Variants in COLEC12 observed in about 807,000 individuals in gnomAD.
COLEC12 encodes collectin-12.
COLEC12 carries 33 observed loss-of-function variants against 71.1 expected under a neutral mutation model. That is an observed-to-expected ratio of 0.46 (90% CI 0.35 to 0.62). The LOEUF is 0.62. Ranked by LOEUF, COLEC12 falls within the 20% of genes least tolerant of loss-of-function variation. COLEC12 has a pLI of 0.00. For synonymous variants in COLEC12, 350 were observed against 353.0 expected, an observed-to-expected ratio of 0.99 and a Z score of 0.10; for missense variants, 765 against 916.1, an observed-to-expected ratio of 0.84 and a Z score of 2.13.
chr18:440,307 A>C (rs1598363949), intron 2 of COLEC12, among the ~76,000 whole-genome samples: 1 of 151,742 alleles, frequency 6.6e-6, no homozygotes, highest in East Asian at 1.9e-4. Context: ...GTAGTTAATA[A>C]TACTATAGTA....
At chr18:326,851 G>A (rs1913856547) in intron 8 of COLEC12, among the ~76,000 whole-genome samples, 1 of 152,202 alleles carries the variant, frequency 6.6e-6, no homozygotes, top group Non-Finnish European at 1.5e-5. Context: ...GTAATTGAGA[G>A]GGGAATGTTG....
intron 2 of COLEC12, among the ~76,000 whole-genome samples, chr18:446,554 A>AT (rs11308085): frequency 3.8e-5 from 5 of 130,458 alleles, no homozygotes; most frequent in African/African-American, 5.7e-5. Flanking sequence ...AAAAAAAAAA[A>AT]TTTTTTTTTT....
chr18:441,623 A>C (rs943218251), intron 2 of COLEC12, among the ~76,000 whole-genome samples: 1 of 152,182 alleles, frequency 6.6e-6, no homozygotes, highest in Non-Finnish European at 1.5e-5. Context: ...TTACTAGTGA[A>C]TATGCCCCAA....
rs1474776215 is a variant in COLEC12 at position 480,850 on chromosome 18, T to C, written c.8-93A>G. 2 of 1,079,248 alleles carry C rather than the reference T, an allele frequency of 1.9e-6. No homozygotes were observed. The highest frequency in any genetic ancestry group is 2.9e-6 in the Non-Finnish European group (2 of 692,704). 66.9% of individuals were successfully genotyped at this position (1,079,248 alleles called of 1,614,324 possible). On this transcript the variant is annotated intron_variant, in intron 1 of 9. Transcript: ENST00000400256. This position sits in a 1 kb window ranked among gnomAD's most constrained non-coding sequence, Gnocchi z 4.1. ...TGCGACCTGCTTCATCGCCCCTGCT[T>C]GTCACAGCAGCTTTCCTTCTGCTCG...
chr18:453,621 T>C (rs1379996323), intron 2 of COLEC12, among the ~76,000 whole-genome samples: 1 of 152,232 alleles, frequency 6.6e-6, no homozygotes, highest in Non-Finnish European at 1.5e-5. Flanking sequence ...TCCCTGTCTA[T>C]ACTCTCTTCT....
rs146422447 is a variant in COLEC12 at position 460,251 on chromosome 18, T to C, written c.58+20456A>G. 2.0e-3 allele frequency among the ~76,000 whole-genome samples: 302 copies of C among 151,920 alleles called. 2 individuals are homozygous for C. The highest frequency in any genetic ancestry group is 6.9e-3 in the African/African-American group (286 of 41,200). On this transcript the variant is annotated intron_variant, in intron 2 of 9. Transcript: ENST00000400256. ...ATTCTTCTTCCGTGGTCATTCGGAATGGGCCACAAGAAAGACCAGAATTCT... is the reference window on the plus strand; with the variant it reads ...ATTCTTCTTCCGTGGTCATTCGGAACGGGCCACAAGAAAGACCAGAATTCT...
At chr18:453,274 G>A (rs750625271) in intron 2 of COLEC12, among the ~76,000 whole-genome samples, 5 of 152,272 alleles carry the variant, frequency 3.3e-5, no homozygotes, top group African/African-American at 4.8e-5. Flanking sequence ...AGGCACTCCT[G>A]GCCAGGTTGG....
At chr18:328,308 T>C (rs1241677485) in intron 8 of COLEC12, among the ~76,000 whole-genome samples, 3 of 152,094 alleles carry the variant, frequency 2.0e-5, no homozygotes, top group African/African-American at 7.2e-5. Context: ...AGAGTAAAAG[T>C]GAGTCTGACT....
intron 2 of COLEC12, among the ~76,000 whole-genome samples, chr18:414,162 T>C (rs1915944360): frequency 6.6e-6 from 1 of 152,234 alleles, no homozygotes. Context: ...AGGAACTCCA[T>C]ATTATTTCTT....
chr18:332,544 G>A (rs1475889263), intron 7 of COLEC12, among the ~76,000 whole-genome samples: 1 of 152,080 alleles, frequency 6.6e-6, no homozygotes, highest in Non-Finnish European at 1.5e-5. Context: ...TGCCTCTCAC[G>A]GTGCCTGGCA....
intron 2 of COLEC12, among the ~76,000 whole-genome samples, chr18:368,868 A>C (rs899387857): frequency 6.6e-6 from 1 of 152,220 alleles, no homozygotes; most frequent in Admixed American, 6.5e-5. Context: ...TCCGTCTCAA[A>C]AACAAAACAA....
At position 347,013 on chromosome 18, in the gene COLEC12, G is replaced by C; in HGVS notation, c.609C>G (p.Ile203Met). The stretch of plus-strand genomic sequence containing the variant: ...TCAGGTTCAGGTTGTTGAGGTTCAT[G>C]ATGACCACATTATGAGAATACATTT... ...QNQMYSHNVV[I>M]MNLNNLNLTQ... The change falls in exon 5 of 10, where the codon ATC (isoleucine) becomes ATG (methionine). Residue 203 changes from isoleucine to methionine, a missense_variant. Physicochemically the swap from Ile to Met is conservative, Grantham distance 10 (BLOSUM62 1). Transcript: ENST00000400256. 6.2e-7 allele frequency: 1 copy of C among 1,614,206 alleles called. No individual in the cohort carries two copies. Among genetic ancestry groups the C allele is most frequent in the South Asian group, 1.1e-5 (1 of 91,080 alleles).
At chr18:329,944 A>G (rs1203061810) in intron 8 of COLEC12, among the ~76,000 whole-genome samples, 2 of 152,026 alleles carry the variant, frequency 1.3e-5, no homozygotes, top group Non-Finnish European at 2.9e-5. Flanking sequence ...GGGTGTGGTG[A>G]TGTGCACCTG....
chr18:392,290 G>A (rs2143592093), intron 2 of COLEC12, among the ~76,000 whole-genome samples: 1 of 152,278 alleles, frequency 6.6e-6, no homozygotes, highest in Admixed American at 6.5e-5. Context: ...TAACTCGCCT[G>A]AACCTTGAAA....
chr18:419,793 C>T (rs1567902533), intron 2 of COLEC12, among the ~76,000 whole-genome samples: 1 of 152,208 alleles, frequency 6.6e-6, no homozygotes, highest in Non-Finnish European at 1.5e-5. Flanking sequence ...TCTATGTCCT[C>T]TCCCCTTGAA....
rs2143733388 is a variant in COLEC12 at position 460,772 on chromosome 18, C to CT, written c.58+19934dup. ...TGCTATGTGCATCCTCTCTTCTTTC[C>CT]TTTTTGGGTCTGCAGTGTCTACCGG... On this transcript the variant is annotated intron_variant, in intron 2 of 9. Coordinates refer to ENST00000400256, the MANE Select transcript of COLEC12 (RefSeq NM_130386.3). 2.3e-5 allele frequency among the ~76,000 whole-genome samples: 2 copies of CT among 85,156 alleles called. 1 individual carries two copies. The highest frequency in any genetic ancestry group is 1.4e-3 in the South Asian group (2 of 1,394). The allele number at this position is 85,156 out of a possible 152,430, so 55.9% of individuals were successfully genotyped here. A position where few individuals can be genotyped will look rare whatever the true frequency, so the allele number is the denominator to read the frequency against.
At chr18:457,806 C>A (rs557485983) in intron 2 of COLEC12, among the ~76,000 whole-genome samples, 1 of 152,188 alleles carries the variant, frequency 6.6e-6, no homozygotes, top group Non-Finnish European at 1.5e-5. Context: ...TCCTTCATTG[C>A]GCATTTTTCA....
At chr18:364,309 T>C (rs747673450) in intron 2 of COLEC12, among the ~76,000 whole-genome samples, 1 of 152,214 alleles carries the variant, frequency 6.6e-6, no homozygotes, top group Non-Finnish European at 1.5e-5. Context: ...CCAGAATATA[T>C]AGTGTCTCAA....
At chr18:344,698 C>A (rs1452142550) in intron 5 of COLEC12, among the ~76,000 whole-genome samples, 1 of 152,236 alleles carries the variant, frequency 6.6e-6, no homozygotes, top group Middle Eastern at 3.2e-3. Context: ...ATGCTTCATG[C>A]ACACTTCCTT....
Sources: gnomAD v4.1 joint callset for allele counts (sites outside exome capture counted in the v4.1 genomes callset) on GRCh38, gnomAD v4.1.1 for gene constraint, Gnocchi (gnomAD v3.1) non-coding constraint, MANE v1.5 for transcripts, NCBI Gene and HGNC (gene_info 2026-07-23, HGNC 2026-07-21) for gene names.